The following PCDHA11 variants were observed in gnomAD, a reference collection of about 807,000 sequenced individuals.
PCDHA11 encodes protocadherin alpha 11, also known as protocadherin alpha-11.
A neutral mutation model predicts 70.3 loss-of-function variants in PCDHA11; 61 were observed. The observed-to-expected ratio is 0.87, with a 90% CI of 0.71 to 1.07. PCDHA11 has a LOEUF of 1.07. Ranked by LOEUF, PCDHA11 falls within the 50% of genes least tolerant of loss-of-function variation. The pLI, the probability that PCDHA11 is intolerant of heterozygous loss-of-function variation, is 0.00. For missense variants in PCDHA11, 1,324 were observed against 1,237.5 expected, an observed-to-expected ratio of 1.07 and a Z score of -1.05; for synonymous variants, 633 against 555.1, an observed-to-expected ratio of 1.14 and a Z score of -1.97.
At chr5:140,977,591 A>T (rs1267599253) in intron 1 of PCDHA11, among the ~76,000 whole-genome samples, 2 of 152,164 alleles carry the variant, frequency 1.3e-5, no homozygotes, top group African/African-American at 4.8e-5. Context: ...AGCAGTTAGC[A>T]TGTGAGGACC....
intron 1 of PCDHA11, among the ~76,000 whole-genome samples, chr5:140,918,094 T>C (rs1001602407): frequency 1.3e-5 from 2 of 152,188 alleles, no homozygotes; most frequent in East Asian, 1.9e-4. Context: ...ATTCTTTTTA[T>C]AGAGATCTTT....
chr5:140,951,703 C>T (rs1000873823), intron 1 of PCDHA11, among the ~76,000 whole-genome samples: 3 of 152,110 alleles, frequency 2.0e-5, no homozygotes, highest in Non-Finnish European at 2.9e-5. Context: ...GAGCTTTGGG[C>T]GGGGACACAG....
intron 3 of PCDHA11, among the ~76,000 whole-genome samples, chr5:140,997,793 T>G (rs2097785892): frequency 6.6e-6 from 1 of 152,112 alleles, no homozygotes; most frequent in Non-Finnish European, 1.5e-5. Context: ...ATATTATAAT[T>G]TATCCAATTT....
chr5:140,886,097 A>C (rs1341108712), intron 1 of PCDHA11, among the ~76,000 whole-genome samples: 1 of 152,214 alleles, frequency 6.6e-6, no homozygotes, highest in Admixed American at 6.5e-5. Context: ...ATTGACATTG[A>C]TACAGTAAAG....
At position 140,973,495 on chromosome 5, in the gene PCDHA11, T is replaced by TA. The variant is rs148545809; in HGVS notation, c.2392-5454_2392-5453insA. Among the ~76,000 whole-genome samples, 585 of 152,336 alleles carry TA rather than the reference T, an allele frequency of 3.8e-3. 2 individuals are homozygous for TA. Among genetic ancestry groups the TA allele is most frequent in the African/African-American group, 0.013 (553 of 41,574 alleles). ...AATTTCATATTGGTCACAGGACTCTTCTTCTGAGAAAAAGTTTATTTTCTT... is the reference window on the plus strand; with the variant it reads ...AATTTCATATTGGTCACAGGACTCTTACTTCTGAGAAAAAGTTTATTTTCTT... On this transcript the variant is annotated intron_variant, in intron 1 of 3. Coordinates refer to ENST00000398640, the MANE Select transcript of PCDHA11 (RefSeq NM_018902.5).
intron 1 of PCDHA11, among the ~76,000 whole-genome samples, chr5:140,977,702 A>C (rs1420121979): frequency 1.3e-5 from 2 of 152,190 alleles, no homozygotes; most frequent in African/African-American, 4.8e-5. Context: ...AATCTGTCTG[A>C]ATATTGAGAT....
intron 1 of PCDHA11, among the ~76,000 whole-genome samples, chr5:140,951,209 A>C (rs1302279809): frequency 6.6e-6 from 1 of 151,904 alleles, no homozygotes; most frequent in Non-Finnish European, 1.5e-5. Context: ...GTGTCATCTC[A>C]GGTTTGGATT....
intron 1 of PCDHA11, chr5:140,883,195 T>G (rs781816525): frequency 6.2e-7 from 1 of 1,613,904 alleles, no homozygotes; most frequent in Non-Finnish European, 8.5e-7. Flanking sequence ...GCAAACTAGA[T>G]TTCGAAGAAA....
chr5:140,929,471 G>C, intron 1 of PCDHA11: 1 of 1,293,428 alleles, frequency 7.7e-7, no homozygotes, highest in Non-Finnish European at 1.0e-6. Context: ...CAAGAAATCT[G>C]GAAGTATAGA....
In PCDHA11 at chr5:140,871,140, C is replaced by A; in HGVS notation, c.2037C>A (p.Ser679=). ...VESGQAPKAS[S]RTLAGAASPE... The stretch of plus-strand genomic sequence containing the variant: ...GCGGACAGGCGCCAAAGGCCTCTTC[C>A]CGGACTTTGGCGGGCGCCGCGAGCC... Residue 679 remains serine, a synonymous_variant, in exon 1 of 4, where the codon TCC becomes TCA. Coordinates refer to ENST00000398640, the MANE Select transcript of PCDHA11 (RefSeq NM_018902.5). The A allele has an allele frequency of 6.2e-7, 1 of 1,613,454 alleles. No homozygotes were observed. Among genetic ancestry groups the A allele is most frequent in the Non-Finnish European group, 8.5e-7 (1 of 1,179,918 alleles).
At chr5:140,889,169 G>A (rs2062128594) in intron 1 of PCDHA11, among the ~76,000 whole-genome samples, 1 of 151,182 alleles carries the variant, frequency 6.6e-6, no homozygotes, top group African/African-American at 2.4e-5. Flanking sequence ...AAGTATTCAA[G>A]TTATAAATAA....
At chr5:140,967,298 G>A in intron 1 of PCDHA11, 1 of 1,612,692 alleles carries the variant, frequency 6.2e-7, no homozygotes, top group Non-Finnish European at 8.5e-7. Flanking sequence ...CCCCGACGTG[G>A]GCGCCAACTC....
chr5:140,873,624 A>G lies in PCDHA11; in HGVS notation c.2391+2130A>G, dbSNP rs562277902. On this transcript the variant is annotated intron_variant, in intron 1 of 3. Transcript: ENST00000398640. The stretch of plus-strand genomic sequence containing the variant: ...TTCCTATTGGCTTAACAATTTGTTT[A>G]GGTCAAAGAGTATGTGAGAACTACA... Among the ~76,000 whole-genome samples the G allele has an allele frequency of 2.6e-5, 4 of 152,192 alleles. No homozygotes were observed. In the South Asian group the frequency reaches 8.3e-4, roughly 32 times the overall value.
At position 140,944,954 on chromosome 5, in the gene PCDHA11, G is replaced by T. The variant is rs59917150; in HGVS notation, c.2392-33995G>T. Among the ~76,000 whole-genome samples the T allele has an allele frequency of 8.9e-3, 1,356 of 152,182 alleles. 15 individuals are homozygous for T. Among genetic ancestry groups the T allele is most frequent in the African/African-American group, 0.032 (1,311 of 41,514 alleles). ...CTTCTTTAGATGATTGTGAATAAGA[G>T]TATTATCTTAACCTCTCTGGTGGGT... On this transcript the variant is annotated intron_variant, in intron 1 of 3. Coordinates refer to ENST00000398640, the MANE Select transcript of PCDHA11 (RefSeq NM_018902.5).
chr5:140,883,616 G>T (rs781929949), intron 1 of PCDHA11: 69 of 1,613,896 alleles, frequency 4.3e-5, no homozygotes, highest in Non-Finnish European at 5.7e-5. Flanking sequence ...CGACGTGAAC[G>T]ACAACGCGCC....
At chr5:140,987,211 C>A (rs1190567678) in intron 3 of PCDHA11, among the ~76,000 whole-genome samples, 1 of 145,070 alleles carries the variant, frequency 6.9e-6, no homozygotes, top group South Asian at 2.1e-4. Flanking sequence ...GAGACTCCAT[C>A]TCAAAAAAAA....
rs145968482 is a variant in PCDHA11, at chr5:140,977,336, C to G, written c.2392-1613C>G. Among the ~76,000 whole-genome samples, 133 of 152,262 alleles carry G rather than the reference C, an allele frequency of 8.7e-4. 2 individuals carry two copies. The highest frequency in any genetic ancestry group is 3.9e-4 in the East Asian group (2 of 5,188). On this transcript the variant is annotated intron_variant, in intron 1 of 3. Coordinates refer to ENST00000398640, the MANE Select transcript of PCDHA11 (RefSeq NM_018902.5). Reference sequence around the variant, plus strand: ...GTGCTCCTGATGGCGAGGGGAGAGACGGTGATGATGACTGATTGATAAAAA... The same window carrying G: ...GTGCTCCTGATGGCGAGGGGAGAGAGGGTGATGATGACTGATTGATAAAAA...
intron 1 of PCDHA11, among the ~76,000 whole-genome samples, chr5:140,945,772 T>C (rs538344111): frequency 1.3e-5 from 2 of 152,110 alleles, no homozygotes; most frequent in Non-Finnish European, 2.9e-5. Flanking sequence ...GACAATTTGA[T>C]ATCCAGATGC....
rs1052880282 is a variant in PCDHA11 at position 140,969,588 on chromosome 5, T to C, written c.2392-9361T>C. On this transcript the variant is annotated intron_variant, in intron 1 of 3. Coordinates refer to ENST00000398640, the MANE Select transcript of PCDHA11 (RefSeq NM_018902.5). ...TTGTTTGAGAAGTGAGGATTAGTCT[T>C]AATATTTAATGCTAAAACACAGATT... 31 of 849,754 alleles carry C rather than the reference T, an allele frequency of 3.6e-5. No individual in the cohort carries two copies. The African/African-American group carries it at 5.3e-4, about 15-fold the overall frequency. The allele number at this position is 849,754 out of a possible 1,614,324, so 52.6% of individuals were successfully genotyped here. A position where few individuals can be genotyped will look rare whatever the true frequency, so the allele number is the denominator to read the frequency against.
Sources: gnomAD v4.1 joint callset for allele counts (sites outside exome capture counted in the v4.1 genomes callset) on GRCh38, gnomAD v4.1.1 for gene constraint, MANE v1.5 for transcripts, NCBI Gene and HGNC (gene_info 2026-07-23, HGNC 2026-07-21) for gene names.